ESR2: variants seen among roughly 807,000 people sequenced by gnomAD.
The protein encoded by ESR2 is estrogen receptor beta.
Under a neutral mutation model 49.6 loss-of-function variants are expected in ESR2, and 36 were observed. The ratio of observed to expected loss-of-function variants is 0.73; its 90% CI spans 0.56 to 0.96. ESR2 has a LOEUF of 0.96. ESR2 is among the 40% of genes least tolerant of loss of function. The pLI is 0.00. For missense variants in ESR2, 714 were observed against 693.0 expected (o/e 1.03, Z -0.34); for synonymous variants, 320 against 266.1 (o/e 1.20, Z -1.97).
chr14:64,276,766 G>A (rs2076565885), intron 3 of ESR2, among the ~76,000 whole-genome samples: 1 of 152,198 alleles, frequency 6.6e-6, no homozygotes, highest in South Asian at 2.1e-4. Context: ...CAGTTGTGCA[G>A]TTGTGAAAAG....
intron 1 of ESR2, among the ~76,000 whole-genome samples, chr14:64,285,738 G>C (rs993356403): frequency 1.3e-5 from 2 of 149,092 alleles, no homozygotes; most frequent in African/African-American, 4.9e-5. Context: ...TAAGACATGA[G>C]AATCACTGAA....
intron 3 of ESR2, among the ~76,000 whole-genome samples, chr14:64,279,265 C>T (rs938403301): frequency 1.3e-5 from 2 of 152,162 alleles, no homozygotes; most frequent in African/African-American, 4.8e-5. Flanking sequence ...GCCTGACCAC[C>T]TTGGGCACAT....
At chr14:64,286,331 C>T (rs1399110748) in intron 1 of ESR2, among the ~76,000 whole-genome samples, 3 of 151,838 alleles carry the variant, frequency 2.0e-5, no homozygotes, top group Non-Finnish European at 2.9e-5. Context: ...CATGGAGTTT[C>T]GCTGTGTCAC....
intron 1 of ESR2, chr14:64,336,529 T>C (rs2077534348): frequency 1.3e-5 from 2 of 152,274 alleles, no homozygotes; most frequent in African/African-American, 4.8e-5. Context: ...GGCAGCATGC[T>C]CTTGGGGTTT....
rs2076116916 is a variant in ESR2, at chr14:64,257,142, T to C, written c.1091+84A>G. The C allele has an allele frequency of 3.9e-6, 5 of 1,296,990 alleles. No homozygotes were observed. The African/African-American group carries it at 4.4e-5, about 11-fold the overall frequency. The allele number at this position is 1,296,990 out of a possible 1,614,324, so 80.3% of individuals were successfully genotyped here. A position where few individuals can be genotyped will look rare whatever the true frequency, so the allele number is the denominator to read the frequency against. On this transcript the variant is annotated intron_variant, in intron 6 of 8. Coordinates refer to ENST00000341099, the MANE Select transcript of ESR2 (RefSeq NM_001437.3). ...CTGCCCTGCAAGTGTGAGATTTTAATTGCAGCACCCAGGACTTTGTTCCCA... is the reference window on the plus strand; with the variant it reads ...CTGCCCTGCAAGTGTGAGATTTTAACTGCAGCACCCAGGACTTTGTTCCCA...
intron 1 of ESR2, among the ~76,000 whole-genome samples, chr14:64,333,390 T>G (rs1226605350): frequency 6.6e-6 from 1 of 152,192 alleles, no homozygotes; most frequent in Non-Finnish European, 1.5e-5. Flanking sequence ...ATCCTTGACA[T>G]CGTATTTCAG....
intron 7 of ESR2, among the ~76,000 whole-genome samples, chr14:64,239,235 C>T (rs1044133971): frequency 9.9e-5 from 15 of 152,284 alleles, no homozygotes; most frequent in African/African-American, 2.9e-4. Context: ...TTCAACTGTG[C>T]TTTGCCCCAG....
chr14:64,282,546 T>C, intron 2 of ESR2, 78 bp downstream of exon 2: 1 of 1,420,174 alleles, frequency 7.0e-7, no homozygotes, highest in Non-Finnish European at 9.6e-7. Flanking sequence ...GTCTAACATA[T>C]TATTTCCTTC....
At chr14:64,289,700 C>A (rs1198162605) in intron 1 of ESR2, among the ~76,000 whole-genome samples, 1 of 101,394 alleles carries the variant, frequency 9.9e-6, no homozygotes, top group Non-Finnish European at 1.9e-5. Context: ...CCTAATTTTA[C>A]TTTTTGACTT....
Position 64,233,064 on chromosome 14 carries a change from C to T in ESR2, c.*73G>A. On this transcript the variant is annotated 3_prime_UTR_variant, in exon 9 of 9. Coordinates refer to ENST00000341099, the MANE Select transcript of ESR2 (RefSeq NM_001437.3). ...GACCACACAGCAGAAAGATGAAGCC[C>T]AGGCTCCTGACACACTGGAGTTCAC... The T allele has an allele frequency of 1.3e-6, 2 of 1,551,256 alleles. No homozygotes were observed. Among genetic ancestry groups the T allele is most frequent in the African/African-American group, 1.4e-5 (1 of 73,438 alleles).
chr14:64,272,586 T>G (rs1037325812), intron 3 of ESR2, among the ~76,000 whole-genome samples: 1 of 152,308 alleles, frequency 6.6e-6, no homozygotes, highest in East Asian at 1.9e-4. Context: ...TGGTGAGAGA[T>G]AGGGATCTAG....
At chr14:64,261,440 C>A (rs140639953) in intron 4 of ESR2, among the ~76,000 whole-genome samples, 1 of 151,890 alleles carries the variant, frequency 6.6e-6, no homozygotes, top group African/African-American at 2.4e-5. Flanking sequence ...ATTTTTGAGA[C>A]GGAGTCTCAC....
chr14:64,253,597 T>TGC (rs1352753365), intron 6 of ESR2, among the ~76,000 whole-genome samples: 1 of 143,188 alleles, frequency 7.0e-6, no homozygotes, highest in African/African-American at 2.7e-5. Flanking sequence ...TGTGTGTGTG[T>TGC]GTGTGTGTAT....
intron 6 of ESR2, among the ~76,000 whole-genome samples, chr14:64,256,333 G>A (rs191557409): frequency 3.2e-4 from 49 of 152,280 alleles, no homozygotes; most frequent in Non-Finnish European, 2.2e-4. Flanking sequence ...ACACAACCAA[G>A]ATACAGCATC....
upstream of ESR2, among the ~76,000 whole-genome samples, chr14:64,295,567 C>T (rs1395168801): frequency 1.3e-5 from 2 of 152,154 alleles, no homozygotes; most frequent in Non-Finnish European, 2.9e-5. Flanking sequence ...CAGAGTCTCC[C>T]TGTCCTTGAG....
chr14:64,332,400 C>T (rs1386039579), intron 1 of ESR2: 1 of 152,194 alleles, frequency 6.6e-6, no homozygotes, highest in Non-Finnish European at 1.5e-5. Flanking sequence ...TGGTCTACAA[C>T]AGAATGTAAA....
At chr14:64,332,747 C>T (rs1310684893) in intron 1 of ESR2, among the ~76,000 whole-genome samples, 4 of 143,342 alleles carry the variant, frequency 2.8e-5, no homozygotes, top group African/African-American at 5.2e-5. Flanking sequence ...TTGCAGTGAG[C>T]GGAGATCGCA....
rs1235800706 is a variant in ESR2 at position 64,229,530 on chromosome 14, A to G, written c.*3607T>C. 6.6e-6 allele frequency among the ~76,000 whole-genome samples: 1 copy of G among 152,146 alleles called. No individual in the cohort carries two copies. Among genetic ancestry groups the G allele is most frequent in the Non-Finnish European group, 1.5e-5 (1 of 68,012 alleles). On this transcript the variant is annotated 3_prime_UTR_variant, in exon 9 of 9. Transcript: ENST00000341099. ...TGGTGGGAGGTAAGGGGGTATCACA[A>G]GGGGGCCCCATTTAAATCACAGCAG...
intron 1 of ESR2, among the ~76,000 whole-genome samples, chr14:64,307,715 T>G (rs1447705701): frequency 2.0e-5 from 3 of 152,000 alleles, no homozygotes; most frequent in Admixed American, 6.6e-5. Context: ...TTTTGTATTT[T>G]TGGTAGAGAC....
Sources: allele counts gnomAD v4.1 joint callset (sites outside exome capture counted in the v4.1 genomes callset), GRCh38; gene constraint gnomAD v4.1.1; transcripts MANE v1.5; gene names NCBI Gene and HGNC (gene_info 2026-07-23, HGNC 2026-07-21).